LINGO1: variants seen among roughly 807,000 people sequenced by gnomAD.
LINGO1 encodes the protein leucine-rich repeat and immunoglobulin-like domain-containing nogo receptor-interacting protein 1.
Under a neutral mutation model 37.3 loss-of-function variants are expected in LINGO1, and 11 were observed. The ratio of observed to expected loss-of-function variants is 0.29; its 90% CI spans 0.19 to 0.49. The LOEUF (loss-of-function observed/expected upper bound fraction) is 0.49, where lower values mean the gene tolerates loss of function less well. Among genes scored for constraint, LINGO1 ranks in the 20% least tolerant of loss-of-function variants. LINGO1 has a pLI of 0.99. For missense variants in LINGO1, 585 were observed against 878.2 expected (o/e 0.67, Z 4.22); for synonymous variants, 387 against 403.0 (o/e 0.96, Z 0.48).
chr15:77,652,635 C>T (rs915124484), intron 3 of LINGO1, among the ~76,000 whole-genome samples: 3 of 152,166 alleles, frequency 2.0e-5, no homozygotes, highest in Admixed American at 6.5e-5. Flanking sequence ...GCTGTTGCTC[C>T]TGCTGTTCTC....
intron 1 of LINGO1, among the ~76,000 whole-genome samples, chr15:77,693,812 G>T (rs748529267): frequency 3.9e-5 from 6 of 152,120 alleles, no homozygotes; most frequent in Non-Finnish European, 7.4e-5. Flanking sequence ...GTAAGAAAAG[G>T]AGAGTAATGA....
Position 77,815,306 on chromosome 15 carries a change from C to T in LINGO1, c.-458+4952G>A, listed in dbSNP as rs535184675. On this transcript the variant is annotated intron_variant, in intron 1 of 5. Transcript: ENST00000562933. ...GCCCCGGCCACCCCACCCACCCCTG[C>T]CCAGCAAGCACAGGCACAGCCAGAA... 1.9e-4 allele frequency among the ~76,000 whole-genome samples: 29 copies of T among 151,532 alleles called. 2 individuals are homozygous for T. The South Asian group carries it at 5.2e-3, about 27-fold the overall frequency.
chr15:77,622,760 C>T (rs1436771137), intron 1 of LINGO1, among the ~76,000 whole-genome samples: 1 of 152,212 alleles, frequency 6.6e-6, no homozygotes, highest in Non-Finnish European at 1.5e-5. Context: ...TCACCCCAGC[C>T]CGGGTTTTTC....
chr15:77,738,789 AAGG>A (rs2076228902), intron 1 of LINGO1, among the ~76,000 whole-genome samples: 1 of 151,866 alleles, frequency 6.6e-6, no homozygotes, highest in Non-Finnish European at 1.5e-5. Context: ...GGAAGGAAGG[AAGG>A]AAGGAAGGAA....
chr15:77,645,766 T>G (rs117613214), intron 3 of LINGO1, among the ~76,000 whole-genome samples: 30 of 152,360 alleles, frequency 2.0e-4, no homozygotes, highest in Non-Finnish European at 3.4e-4. Flanking sequence ...AAGCCAGCCG[T>G]GTGCACTGGG....
chr15:77,761,038 C>T (rs1374404940), intron 1 of LINGO1, among the ~76,000 whole-genome samples: 1 of 142,674 alleles, frequency 7.0e-6, no homozygotes, highest in Non-Finnish European at 1.5e-5. Flanking sequence ...GTGATTCTTT[C>T]GCCTCAGCCT....
intron 1 of LINGO1, among the ~76,000 whole-genome samples, chr15:77,813,373 A>T (rs554294103): frequency 6.6e-6 from 1 of 152,264 alleles, no homozygotes; most frequent in African/African-American, 2.4e-5. Context: ...GAGCCTGGGG[A>T]CACAGAGAGG....
intron 3 of LINGO1, chr15:77,649,032 G>C (rs1460949451): frequency 6.6e-6 from 1 of 152,224 alleles, no homozygotes; most frequent in African/African-American, 2.4e-5. Flanking sequence ...GGAACCCAAA[G>C]TCCAAACATA....
At chr15:77,623,343 T>C (rs1003214089) in intron 1 of LINGO1, among the ~76,000 whole-genome samples, 1 of 152,240 alleles carries the variant, frequency 6.6e-6, no homozygotes, top group African/African-American at 2.4e-5. Context: ...GGACTCCTAA[T>C]GGCTTCTCTC....
At chr15:77,642,204 G>A (rs146802489) in intron 3 of LINGO1, among the ~76,000 whole-genome samples, 45 of 152,310 alleles carry the variant, frequency 3.0e-4, no homozygotes, top group African/African-American at 9.1e-4. Context: ...ATTAAGACCT[G>A]AGTCCAGGAC....
At position 77,739,152 on chromosome 15, in the gene LINGO1, G is replaced by A. The variant is rs375338672; in HGVS notation, c.-256-4099C>T. ...GCCGGCAGCTGAACGCAACCGGCGG[G>A]GGGCCAGGATGCCTGCCAACAGCTG... On this transcript the variant is annotated intron_variant, in intron 1 of 3. Transcript: ENST00000561686. Among the ~76,000 whole-genome samples the A allele has an allele frequency of 3.6e-3, 548 of 152,362 alleles. 5 individuals are homozygous for A. Among genetic ancestry groups the A allele is most frequent in the African/African-American group, 0.012 (514 of 41,596 alleles).
In LINGO1 at chr15:77,614,638, G is replaced by A. The variant is rs112987155; in HGVS notation, c.1269C>T (p.Arg423=). 49 of 1,611,422 alleles carry A rather than the reference G, an allele frequency of 3.0e-5. No individual in the cohort carries two copies. The highest frequency in any genetic ancestry group is 9.9e-5 in the South Asian group (9 of 90,754). Residue 423 remains arginine (R), a synonymous_variant, in exon 2 of 2, where the codon CGC becomes CGT. Coordinates refer to ENST00000355300, the MANE Select transcript of LINGO1 (RefSeq NM_032808.7). ...VLLPNYFTCR[R]ARIRDRKAQQ... ...GGGCCTTGCGGTCCCGGATGCGGGCGCGGCGGCAGGTGAAGTAGTTGGGCA... is the reference window on the plus strand; with the variant it reads ...GGGCCTTGCGGTCCCGGATGCGGGCACGGCGGCAGGTGAAGTAGTTGGGCA...
intron 1 of LINGO1, among the ~76,000 whole-genome samples, chr15:77,812,832 C>T (rs1488677384): frequency 1.3e-5 from 2 of 152,268 alleles, no homozygotes; most frequent in African/African-American, 4.8e-5. Context: ...GCACAGCCAT[C>T]AGGGACAGGG....
At position 77,708,452 on chromosome 15, in the gene LINGO1, A is replaced by G. The variant is rs143826741; in HGVS notation, c.-194-17551T>C. Reference sequence around the variant, plus strand: ...GAAGTCTGGGCCCAGAAGGAAAACGAAGGTACTAGGTTGAATAGTGTCCCC... The same window carrying G: ...GAAGTCTGGGCCCAGAAGGAAAACGGAGGTACTAGGTTGAATAGTGTCCCC... On this transcript the variant is annotated intron_variant, in intron 2 of 3. Coordinates refer to the LINGO1 transcript ENST00000561686. 3.7e-3 allele frequency among the ~76,000 whole-genome samples: 562 copies of G among 152,250 alleles called. 2 individuals carry two copies. Among genetic ancestry groups the G allele is most frequent in the Middle Eastern group, 0.01 (3 of 294 alleles).
chr15:77,780,216 CAGGAAGTACTTGAGGGCCTTGGAG>C (rs1011821600), intron 1 of LINGO1, among the ~76,000 whole-genome samples: 32 of 152,104 alleles, frequency 2.1e-4, no homozygotes, highest in African/African-American at 7.7e-4. Flanking sequence ...GTGGGCTGGG[CAGGAAGTACTTGAGGGCCTTGGAG>C]AGCAGGCCAG....
intron 2 of LINGO1, among the ~76,000 whole-genome samples, chr15:77,794,397 TAC>T (rs2076848061): frequency 8.7e-5 from 6 of 68,992 alleles, no homozygotes; most frequent in East Asian, 4.2e-4. Flanking sequence ...CATACATATA[TAC>T]GTATATATGT....
chr15:77,796,365 GC>G lies in LINGO1; in HGVS notation c.-457-313del, dbSNP rs1308631869. Among the ~76,000 whole-genome samples, 27 of 152,336 alleles carry G rather than the reference GC, an allele frequency of 1.8e-4. 1 individual carries two copies. Among genetic ancestry groups the G allele is most frequent in the Admixed American group, 1.7e-3 (26 of 15,302 alleles). On this transcript the variant is annotated intron_variant, in intron 1 of 5. Coordinates refer to the LINGO1 transcript ENST00000562933. Reference sequence around the variant, plus strand: ...GGGGGCAGGCAGGGCTCTGGGAAGCGCAGAGTTTGTGGCCCCAGGCAGGCTG... The same window carrying G: ...GGGGGCAGGCAGGGCTCTGGGAAGCGAGAGTTTGTGGCCCCAGGCAGGCTG...
At chr15:77,733,228 C>T (rs943204402) in intron 2 of LINGO1, among the ~76,000 whole-genome samples, 2 of 152,182 alleles carry the variant, frequency 1.3e-5, no homozygotes, top group Non-Finnish European at 2.9e-5. Context: ...GGGGTAGCTT[C>T]TCAGAGGAGG....
intron 1 of LINGO1, among the ~76,000 whole-genome samples, chr15:77,743,957 G>T (rs1402358564): frequency 1.3e-5 from 2 of 152,220 alleles, no homozygotes; most frequent in Admixed American, 6.5e-5. Context: ...CAAGCCACAA[G>T]TATTTCTTGA....
Sources: allele counts gnomAD v4.1 joint callset (sites outside exome capture counted in the v4.1 genomes callset), GRCh38; gene constraint gnomAD v4.1.1; transcripts MANE v1.5; gene names NCBI Gene and HGNC (gene_info 2026-07-23, HGNC 2026-07-21).